Variants in RILPL2 observed in about 807,000 individuals in gnomAD.
RILPL2 encodes Rab interacting lysosomal protein like 2, also known as RILP-like protein 2.
A neutral mutation model predicts 22.2 loss-of-function variants in RILPL2; 19 were observed. The ratio of observed to expected loss-of-function variants is 0.86; its 90% CI spans 0.60 to 1.25. The LOEUF (loss-of-function observed/expected upper bound fraction) is 1.25, where lower values mean the gene tolerates loss of function less well. Among genes scored for constraint, RILPL2 ranks in the 50% most tolerant of loss-of-function variants. The pLI, the probability that RILPL2 is intolerant of heterozygous loss-of-function variation, is 0.00. For synonymous variants in RILPL2, 123 were observed against 111.6 expected, an observed-to-expected ratio of 1.10 and a Z score of -0.64; for missense variants, 243 against 263.6, an observed-to-expected ratio of 0.92 and a Z score of 0.54.
At position 123,430,538 on chromosome 12, in the gene RILPL2, A is replaced by C; in HGVS notation, c.461T>G (p.Val154Gly). Residue 154 changes from valine (V) to glycine (G), a missense_variant, in exon 2 of 4, where the codon GTG becomes GGG. Physicochemically the swap from Val to Gly is moderately radical, Grantham distance 109. Transcript: ENST00000280571. The stretch of plus-strand genomic sequence containing the variant: ...GTAGCACTGCAGCTCTTCCTGCACC[A>C]CCAGGAGCTGCGACTTGAGTTTGTT... ...ERNKLKSQLLVVQEELQCYKS... is the reference protein window; with the variant it reads ...ERNKLKSQLLGVQEELQCYKS... 6.2e-7 allele frequency: 1 copy of C among 1,608,938 alleles called. No homozygotes were observed. The highest frequency in any genetic ancestry group is 8.5e-7 in the Non-Finnish European group (1 of 1,177,002).
chr12:123,430,210 C>T (rs1016376902), intron 2 of RILPL2, among the ~76,000 whole-genome samples: 27 of 148,120 alleles, frequency 1.8e-4, no homozygotes, highest in East Asian at 4.0e-4. Flanking sequence ...GAGATCGAGA[C>T]CATTCTGCCT....
chr12:123,435,019 G>GAAA (rs60453874), intron 1 of RILPL2, among the ~76,000 whole-genome samples: 1 of 145,790 alleles, frequency 6.9e-6, no homozygotes, highest in African/African-American at 2.5e-5. Context: ...TACCAAAAAA[G>GAAA]AAAAAAAAAA....
chr12:123,423,752 C>T (rs1879356492), intron 2 of RILPL2, among the ~76,000 whole-genome samples: 1 of 151,580 alleles, frequency 6.6e-6, no homozygotes, highest in Non-Finnish European at 1.5e-5. Flanking sequence ...CTCCCAGGTT[C>T]CCGCCATTCT....
intron 2 of RILPL2, among the ~76,000 whole-genome samples, chr12:123,423,743 T>C (rs28376121): frequency 0.18 from 27,214 of 151,164 alleles, 2,589 homozygotes; most frequent in Middle Eastern, 0.28. Flanking sequence ...AAGCTCCGCC[T>C]CCCAGGTTCC....
At chr12:123,413,082 G>C (rs1879016879), downstream of RILPL2, 2 of 152,926 alleles carry the variant, frequency 1.3e-5, no homozygotes, top group Non-Finnish European at 2.9e-5. Context: ...TATAGTCCCA[G>C]CTAGTCGGGA....
At chr12:123,417,502 C>G (rs1409009421) in intron 3 of RILPL2, among the ~76,000 whole-genome samples, 1 of 152,116 alleles carries the variant, frequency 6.6e-6, no homozygotes, top group African/African-American at 2.4e-5. Context: ...CCACGTGGCC[C>G]TGGGTGACCC....
At chr12:123,433,411 C>T (rs996501112) in intron 1 of RILPL2, among the ~76,000 whole-genome samples, 3 of 150,696 alleles carry the variant, frequency 2.0e-5, no homozygotes, top group Non-Finnish European at 3.0e-5. Context: ...GGTTTGTATA[C>T]TTGGTGTTTG....
intron 3 of RILPL2, among the ~76,000 whole-genome samples, chr12:123,420,284 C>T (rs555001409): frequency 6.6e-6 from 1 of 152,144 alleles, no homozygotes; most frequent in South Asian, 2.1e-4. Context: ...CTCGGCCTCC[C>T]AAAGTGCTGG....
rs1327924695 is a variant in RILPL2 at position 123,430,467 on chromosome 12, GCCAGGTCTGGGTGCAGGACCCT to G, written c.491+19_491+40del. On this transcript the variant is annotated intron_variant, in intron 2 of 3. Transcript: ENST00000280571. The stretch of plus-strand genomic sequence containing the variant: ...TATGTAACCTAGCAAGGAATTCTGG[GCCAGGTCTGGGTGCAGGACCCT>G]CCAGGCAGTGGAGCCCACCTCTTGT... 1.4e-5 allele frequency: 21 copies of G among 1,525,412 alleles called. No individual in the cohort carries two copies. Among genetic ancestry groups the G allele is most frequent in the Non-Finnish European group, 1.8e-5 (20 of 1,134,308 alleles). 94.5% of individuals were successfully genotyped at this position (1,525,412 alleles called of 1,614,324 possible). A position where few individuals can be genotyped will look rare whatever the true frequency, so the allele number is the denominator to read the frequency against.
intron 2 of RILPL2, among the ~76,000 whole-genome samples, chr12:123,430,038 C>G (rs1440826775): frequency 6.8e-6 from 1 of 147,002 alleles, no homozygotes; most frequent in Non-Finnish European, 1.5e-5. Flanking sequence ...ATCGCTTGAA[C>G]CCATGAGACA....
At chr12:123,414,932 C>CCAAAA (rs1879071922), downstream of RILPL2, 2 of 93,330 alleles carry the variant, frequency 2.1e-5, no homozygotes, top group South Asian at 4.1e-4. Context: ...GACTCCGTCT[C>CCAAAA]AAAAAAAAAA....
chr12:123,431,016 G>T (rs1413286186), intron 1 of RILPL2, among the ~76,000 whole-genome samples: 1 of 152,060 alleles, frequency 6.6e-6, no homozygotes, highest in Non-Finnish European at 1.5e-5. Context: ...GGCTAATTTT[G>T]TATTTTCAGT....
intron 1 of RILPL2, among the ~76,000 whole-genome samples, chr12:123,431,881 ATTTAT>A (rs971171464): frequency 2.6e-5 from 4 of 151,636 alleles, no homozygotes; most frequent in African/African-American, 4.8e-5. Flanking sequence ...TTTTACTACA[ATTTAT>A]TTTATTTTAT....
At chr12:123,426,104 C>A (rs766659114) in intron 2 of RILPL2, among the ~76,000 whole-genome samples, 5 of 151,682 alleles carry the variant, frequency 3.3e-5, no homozygotes, top group Non-Finnish European at 5.9e-5. Flanking sequence ...CCACCAAACC[C>A]GGCCTAAATT....
chr12:123,424,138 A>G (rs1452621160), intron 2 of RILPL2, among the ~76,000 whole-genome samples: 1 of 152,172 alleles, frequency 6.6e-6, no homozygotes, highest in Non-Finnish European at 1.5e-5. Flanking sequence ...AGTGCTTAAC[A>G]TTCAACAAAT....
the RILPL2 span, chr12:123,409,422 G>A: frequency 2.0e-5 from 3 of 152,330 alleles, no homozygotes; most frequent in African/African-American, 7.2e-5. Flanking sequence ...GCTTTGGTAA[G>A]CATCCTCCTG....
intron 1 of RILPL2, among the ~76,000 whole-genome samples, chr12:123,432,010 T>G (rs1879666527): frequency 6.6e-6 from 1 of 151,598 alleles, no homozygotes; most frequent in South Asian, 2.1e-4. Context: ...TTCTTCTGCC[T>G]CAGCCTCCCT....
intron 2 of RILPL2, among the ~76,000 whole-genome samples, chr12:123,424,577 C>T (rs201352139): frequency 9.9e-5 from 15 of 152,262 alleles, no homozygotes; most frequent in East Asian, 9.7e-4. Context: ...GTGATCCACC[C>T]GCCTTGGCCT....
chr12:123,428,203 G>C (rs1196368418), intron 2 of RILPL2, among the ~76,000 whole-genome samples: 2 of 152,080 alleles, frequency 1.3e-5, no homozygotes, highest in Non-Finnish European at 2.9e-5. Flanking sequence ...GTGGCGAGAT[G>C]TCGGCTCGCT....
Sources: allele counts gnomAD v4.1 joint callset (sites outside exome capture counted in the v4.1 genomes callset), GRCh38; gene constraint gnomAD v4.1.1; transcripts MANE v1.5; gene names NCBI Gene and HGNC (gene_info 2026-07-23, HGNC 2026-07-21).